CSMD1: variants seen among roughly 807,000 people sequenced by gnomAD.
The protein encoded by CSMD1 is CUB and Sushi multiple domains 1, also known as CUB and sushi domain-containing protein 1.
A neutral mutation model predicts 417.5 loss-of-function variants in CSMD1; 213 were observed. The observed-to-expected ratio is 0.51, with a 90% CI of 0.46 to 0.57. CSMD1 has a LOEUF of 0.57. Among genes scored for constraint, CSMD1 ranks in the 20% least tolerant of loss-of-function variants. CSMD1 has a pLI of 0.00. For synonymous variants in CSMD1, 2,862 were observed against 1,736.8 expected (o/e 1.65, Z -16.11); for missense variants, 6,923 against 4,529.7 (o/e 1.53, Z -15.17).
chr8:4,110,493 A>G (rs577172719), intron 3 of CSMD1, among the ~76,000 whole-genome samples: 7 of 152,264 alleles, frequency 4.6e-5, no homozygotes, highest in South Asian at 4.1e-4. Context: ...TTAACTTTTC[A>G]TATATTATTT....
intron 5 of CSMD1, among the ~76,000 whole-genome samples, chr8:3,927,921 ATT>A (rs982689883): frequency 2.6e-5 from 4 of 152,044 alleles, no homozygotes; most frequent in East Asian, 1.9e-4. Context: ...TTTACATCAA[ATT>A]CTTTGTTTTG....
chr8:4,402,624 T>A (rs947116270), intron 3 of CSMD1, among the ~76,000 whole-genome samples: 3 of 152,084 alleles, frequency 2.0e-5, no homozygotes, highest in Non-Finnish European at 2.9e-5. Context: ...CATTCTTTAA[T>A]CTTGCAAGAC....
At chr8:3,741,213 TAA>T (rs58662516) in intron 6 of CSMD1, among the ~76,000 whole-genome samples, 310 of 67,224 alleles carry the variant, frequency 4.6e-3, no homozygotes, top group Admixed American at 0.01. Context: ...GACTCCGTCT[TAA>T]AAAAAAAAAA....
intron 5 of CSMD1, among the ~76,000 whole-genome samples, chr8:3,905,895 T>C (rs1037948330): frequency 1.3e-5 from 2 of 152,226 alleles, no homozygotes; most frequent in Non-Finnish European, 2.9e-5. Context: ...TCTTACTATT[T>C]ATTTGCTCCT....
chr8:3,326,153 G>A (rs1249472760), intron 23 of CSMD1, among the ~76,000 whole-genome samples: 1 of 152,136 alleles, frequency 6.6e-6, no homozygotes, highest in South Asian at 2.1e-4. Flanking sequence ...TGGGACGTTC[G>A]ACAACATCAT....
intron 1 of CSMD1, among the ~76,000 whole-genome samples, chr8:4,644,864 C>A (rs896723171): frequency 6.6e-6 from 1 of 152,116 alleles, no homozygotes; most frequent in Non-Finnish European, 1.5e-5. Context: ...TAGAATAGTG[C>A]CTGCTAGTTG....
At chr8:4,815,694 C>CAAAAAAAAAAAAAAAAAAAAAAAAA (rs1218931391) in intron 1 of CSMD1, among the ~76,000 whole-genome samples, 1 of 67,634 alleles carries the variant, frequency 1.5e-5, no homozygotes, top group African/African-American at 5.3e-5. Flanking sequence ...AAAGCTGTCT[C>CAAAAAAAAAAAAAAAAAAAAAAAAA]AAAAAAAAAA....
At chr8:4,645,999 G>A (rs1336741630) in intron 1 of CSMD1, among the ~76,000 whole-genome samples, 1 of 152,148 alleles carries the variant, frequency 6.6e-6, no homozygotes, top group Non-Finnish European at 1.5e-5. Flanking sequence ...AACAAGCACT[G>A]TTTTATTCAC....
intron 2 of CSMD1, among the ~76,000 whole-genome samples, chr8:4,482,748 C>T (rs1323435944): frequency 6.6e-6 from 1 of 152,142 alleles, no homozygotes; most frequent in South Asian, 2.1e-4. Flanking sequence ...CACAACCTTG[C>T]CAGCATCTGT....
chr8:3,323,654 A>T lies in CSMD1; in HGVS notation c.3632-15151T>A, dbSNP rs983888489. The stretch of plus-strand genomic sequence containing the variant: ...AAACAACGTTGTGTTTACAGAAGAA[A>T]CACATGACCTGGGATATGACAGATG... On this transcript the variant is annotated intron_variant, in intron 23 of 69. Coordinates refer to ENST00000635120, the MANE Select transcript of CSMD1 (RefSeq NM_033225.6). 1.2e-3 allele frequency among the ~76,000 whole-genome samples: 177 copies of T among 152,342 alleles called. 1 individual carries two copies. Among genetic ancestry groups the T allele is most frequent in the African/African-American group, 4.1e-3 (172 of 41,562 alleles).
chr8:4,851,530 G>T (rs956581537), intron 1 of CSMD1, among the ~76,000 whole-genome samples: 1 of 151,762 alleles, frequency 6.6e-6, no homozygotes, highest in Non-Finnish European at 1.5e-5. Context: ...ATTCTCCAGG[G>T]TTGAGGTAGT....
intron 12 of CSMD1, among the ~76,000 whole-genome samples, chr8:3,445,718 T>A (rs1815261857): frequency 6.6e-6 from 1 of 152,150 alleles, no homozygotes; most frequent in Non-Finnish European, 1.5e-5. Context: ...AATGAGGAGT[T>A]CTGATTTATT....
chr8:4,049,424 G>A (rs187957926), intron 3 of CSMD1, among the ~76,000 whole-genome samples: 20 of 151,216 alleles, frequency 1.3e-4, no homozygotes, highest in Non-Finnish European at 2.7e-4. Flanking sequence ...ATTACCCCCA[G>A]CTCAAAAAAC....
intron 6 of CSMD1, among the ~76,000 whole-genome samples, chr8:3,723,927 G>A (rs1441949311): frequency 6.6e-6 from 1 of 152,090 alleles, no homozygotes; most frequent in Non-Finnish European, 1.5e-5. Flanking sequence ...ATTCCATTTT[G>A]TAGCTAACTT....
In CSMD1 at chr8:4,491,795, G is replaced by A. The variant is rs752692700; in HGVS notation, c.303-71730C>T. On this transcript the variant is annotated intron_variant, in intron 2 of 69. Coordinates refer to ENST00000635120, the MANE Select transcript of CSMD1 (RefSeq NM_033225.6). ...TGGGAACGCAGAATGGTAGAGTCAC[G>A]TTGGCAGACAAGTGGCAGTTTCTTA... Among the ~76,000 whole-genome samples the A allele has an allele frequency of 4.6e-5, 7 of 152,126 alleles. No individual in the cohort carries two copies. The East Asian group carries it at 7.7e-4, about 17-fold the overall frequency.
intron 1 of CSMD1, among the ~76,000 whole-genome samples, chr8:4,752,414 C>A (rs948654360): frequency 1.3e-5 from 2 of 152,144 alleles, no homozygotes; most frequent in South Asian, 2.1e-4. Flanking sequence ...TAGGTATGGA[C>A]TGAACTTGTG....
At chr8:3,213,157 G>A (rs892596648) in intron 30 of CSMD1, among the ~76,000 whole-genome samples, 1 of 152,022 alleles carries the variant, frequency 6.6e-6, no homozygotes, top group Non-Finnish European at 1.5e-5. Context: ...ATGTTTATTT[G>A]GCCTGAAGCT....
intron 39 of CSMD1, among the ~76,000 whole-genome samples, chr8:3,156,473 T>G (rs921703238): frequency 1.3e-5 from 2 of 152,070 alleles, no homozygotes; most frequent in African/African-American, 4.8e-5. Context: ...GAAGGGCAAA[T>G]TAAAGAGCAA....
intron 7 of CSMD1, among the ~76,000 whole-genome samples, chr8:3,647,552 C>G (rs11778221): frequency 6.6e-6 from 1 of 152,002 alleles, no homozygotes; most frequent in African/African-American, 2.4e-5. Context: ...GAGACAAATA[C>G]AGCATAAAGA....
Sources: gnomAD v4.1 joint callset for allele counts (sites outside exome capture counted in the v4.1 genomes callset) on GRCh38, gnomAD v4.1.1 for gene constraint, MANE v1.5 for transcripts, NCBI Gene and HGNC (gene_info 2026-07-23, HGNC 2026-07-21) for gene names.